NUTM2B: variants seen among roughly 807,000 people sequenced by gnomAD.
The protein encoded by NUTM2B is NUT family member 2B, also known as family with sequence similarity 22, member B.
A neutral mutation model predicts 42.4 loss-of-function variants in NUTM2B; 2 were observed. That is an observed-to-expected ratio of 0.05 (90% CI 0.02 to 0.15). The LOEUF is 0.15. Ranked by LOEUF, NUTM2B falls within the 10% of genes least tolerant of loss-of-function variation. NUTM2B has a pLI of 1.00. For synonymous variants in NUTM2B, 18 were observed against 402.4 expected (o/e 0.04, Z 11.43); for missense variants, 58 against 952.6 (o/e 0.06, Z 12.36).
upstream of NUTM2B, among the ~76,000 whole-genome samples, chr10:79,700,859 G>C (rs1340118045): frequency 6.6e-6 from 1 of 152,240 alleles, no homozygotes; most frequent in African/African-American, 2.4e-5. Context: ...GGGCCCCGCT[G>C]GAGATGTGGA....
At chr10:79,694,882 T>C in the NUTM2B span, among the ~76,000 whole-genome samples, 38 of 152,164 alleles carry the variant, frequency 2.5e-4, no homozygotes, top group African/African-American at 9.2e-4. Flanking sequence ...TCCTCACTCC[T>C]TAGCACCAGG....
At chr10:79,696,120 C>CA in the NUTM2B span, among the ~76,000 whole-genome samples, 6 of 148,240 alleles carry the variant, frequency 4.0e-5, no homozygotes, top group East Asian at 1.3e-3. Context: ...TTCATACAAA[C>CA]ATTTGCTTAC....
chr10:79,709,134 G>C (rs1462417684), intron 3 of NUTM2B, among the ~76,000 whole-genome samples: 1 of 112,322 alleles, frequency 8.9e-6, no homozygotes, highest in Admixed American at 9.2e-5. Context: ...GTGGGGATGG[G>C]GAGAAGGGGC....
chr10:79,700,824 G>A (rs1359918418), upstream of NUTM2B, among the ~76,000 whole-genome samples: 1 of 152,228 alleles, frequency 6.6e-6, no homozygotes, highest in Non-Finnish European at 1.5e-5. Flanking sequence ...CGGCACACGG[G>A]GCAGGCCAGG....
At chr10:79,709,301 G>C (rs1488981990) in intron 3 of NUTM2B, among the ~76,000 whole-genome samples, 1 of 134,712 alleles carries the variant, frequency 7.4e-6, no homozygotes, top group East Asian at 2.5e-4. Flanking sequence ...TTTGCTCCTG[G>C]GCAGTCCCCT....
intron 1 of NUTM2B, among the ~76,000 whole-genome samples, chr10:79,705,138 G>C (rs1464126369): frequency 7.8e-6 from 1 of 127,572 alleles, no homozygotes; most frequent in South Asian, 2.9e-4. Context: ...CAAAGGAGAA[G>C]GGCCAGGGAT....
At chr10:79,699,648 G>T (rs934384103), upstream of NUTM2B, among the ~76,000 whole-genome samples, 1 of 152,122 alleles carries the variant, frequency 6.6e-6, no homozygotes, top group African/African-American at 2.4e-5. Flanking sequence ...TCACCATGTT[G>T]GTCAGGCTGG....
intron 3 of NUTM2B, 103 bp from the exon 4 acceptor site, chr10:79,709,697 C>T (rs1198836999): frequency 3.7e-6 from 3 of 804,232 alleles, no homozygotes; most frequent in Non-Finnish European, 5.3e-6. Flanking sequence ...CTGGACAGCC[C>T]ACCCGAGGCA....
chr10:79,709,748 G>C (rs1840455739), intron 3 of NUTM2B, 52 bp from the exon 4 acceptor site: 1 of 528,582 alleles, frequency 1.9e-6, no homozygotes, highest in East Asian at 3.7e-5. Context: ...CTGGTCCTGC[G>C]GGGAGGGGGC....
upstream of NUTM2B, among the ~76,000 whole-genome samples, chr10:79,699,459 G>A (rs1192556560): frequency 4.6e-5 from 7 of 152,050 alleles, no homozygotes; most frequent in African/African-American, 9.7e-5. Flanking sequence ...TTTAGGGGGC[G>A]GGGAATGGAG....
At chr10:79,695,005 C>T in the NUTM2B span, among the ~76,000 whole-genome samples, 4 of 152,036 alleles carry the variant, frequency 2.6e-5, no homozygotes, top group Admixed American at 2.0e-4. Flanking sequence ...CAGGCCGGAG[C>T]GAATCTGGCT....
At chr10:79,698,835 T>C (rs536816954), upstream of NUTM2B, among the ~76,000 whole-genome samples, 4 of 150,484 alleles carry the variant, frequency 2.7e-5, no homozygotes, top group South Asian at 2.1e-4. Context: ...TTTGTCTACA[T>C]GCCCTAAATA....
chr10:79,700,632 AC>A (rs1325025693), upstream of NUTM2B, among the ~76,000 whole-genome samples: 2 of 151,982 alleles, frequency 1.3e-5, no homozygotes, highest in African/African-American at 4.8e-5. Flanking sequence ...CCTTCTGATC[AC>A]CCTTGGCTTT....
the NUTM2B span, among the ~76,000 whole-genome samples, chr10:79,696,224 T>C: frequency 1.3e-5 from 2 of 149,598 alleles, no homozygotes; most frequent in African/African-American, 4.9e-5. Context: ...AAGCCTAGAA[T>C]TGTGATGCTT....
the NUTM2B span, among the ~76,000 whole-genome samples, chr10:79,693,882 G>A: frequency 3.3e-5 from 5 of 152,304 alleles, no homozygotes; most frequent in Admixed American, 3.3e-4. Flanking sequence ...TAAAGGAAGT[G>A]ATGTTGGCAC....
chr10:79,700,984 T>A (rs1400753242), upstream of NUTM2B, among the ~76,000 whole-genome samples: 1 of 152,194 alleles, frequency 6.6e-6, no homozygotes, highest in Non-Finnish European at 1.5e-5. Context: ...ACTCCTAATT[T>A]TCGGTAATAC....
At chr10:79,694,566 C>T in the NUTM2B span, among the ~76,000 whole-genome samples, 2 of 152,060 alleles carry the variant, frequency 1.3e-5, no homozygotes, top group Non-Finnish European at 2.9e-5. Context: ...CTCTCCAGAA[C>T]CCAGCTCCCA....
chr10:79,700,294 T>C (rs1840289890), upstream of NUTM2B, among the ~76,000 whole-genome samples: 1 of 151,862 alleles, frequency 6.6e-6, no homozygotes, highest in Non-Finnish European at 1.5e-5. Context: ...AACTTCACTG[T>C]TTTACGGGGA....
At chr10:79,694,293 A>T in the NUTM2B span, among the ~76,000 whole-genome samples, 1 of 151,780 alleles carries the variant, frequency 6.6e-6, no homozygotes. Flanking sequence ...GCTACTCTGG[A>T]GGCTGACGCA....
Sources: gnomAD v4.1 joint callset for allele counts (sites outside exome capture counted in the v4.1 genomes callset) on GRCh38, gnomAD v4.1.1 for gene constraint, MANE v1.5 for transcripts, NCBI Gene and HGNC (gene_info 2026-07-23, HGNC 2026-07-21) for gene names.